The following ALK variants were observed in gnomAD, a reference collection of about 807,000 sequenced individuals.
ALK encodes ALK receptor tyrosine kinase, also known as ALK tyrosine kinase receptor.
Under a neutral mutation model 163.1 loss-of-function variants are expected in ALK, and 74 were observed. The observed-to-expected ratio is 0.45, with a 90% CI of 0.38 to 0.55. The LOEUF is 0.55. Among genes scored for constraint, ALK ranks in the 20% least tolerant of loss-of-function variants. The probability of loss-of-function intolerance (pLI) is 0.00; values close to 1 mark genes in which losing one functional copy is unlikely to be tolerated. For synonymous variants in ALK, 960 were observed against 843.2 expected, an observed-to-expected ratio of 1.14 and a Z score of -2.40; for missense variants, 2,063 against 2,105.3, an observed-to-expected ratio of 0.98 and a Z score of 0.39.
intron 3 of ALK, among the ~76,000 whole-genome samples, chr2:29,605,475 C>T (rs1675517923): frequency 6.6e-6 from 1 of 152,184 alleles, no homozygotes; most frequent in African/African-American, 2.4e-5. Context: ...TTCTAACCCC[C>T]AGTGTGATAG....
At chr2:29,607,200 C>G (rs1158242258) in intron 3 of ALK, among the ~76,000 whole-genome samples, 1 of 152,070 alleles carries the variant, frequency 6.6e-6, no homozygotes, top group Non-Finnish European at 1.5e-5. Flanking sequence ...CTGTGGTTTC[C>G]CCTTAAGCCA....
At chr2:29,459,797 C>A (rs1051203362) in intron 4 of ALK, among the ~76,000 whole-genome samples, 2 of 152,088 alleles carry the variant, frequency 1.3e-5, no homozygotes, top group African/African-American at 4.8e-5. Flanking sequence ...GTCTAAAAAA[C>A]ATTTAGTAAC....
At chr2:29,859,655 G>A (rs1281397112) in intron 1 of ALK, among the ~76,000 whole-genome samples, 1 of 152,076 alleles carries the variant, frequency 6.6e-6, no homozygotes, top group Non-Finnish European at 1.5e-5. Context: ...AGGAGTGATT[G>A]GAATTGGAGG....
At chr2:29,203,800 T>C (rs1045561102) in intron 26 of ALK, among the ~76,000 whole-genome samples, 2 of 151,846 alleles carry the variant, frequency 1.3e-5, no homozygotes, top group East Asian at 1.9e-4. Context: ...ATGCCCTTTT[T>C]CCCCATGGTG....
chr2:29,503,523 A>G (rs555767236), intron 4 of ALK, among the ~76,000 whole-genome samples: 1 of 152,374 alleles, frequency 6.6e-6, no homozygotes, highest in Non-Finnish European at 1.5e-5. Context: ...TCCAAGAGAA[A>G]GAACAATGCA....
chr2:29,427,624 C>G (rs970843547), intron 4 of ALK, among the ~76,000 whole-genome samples: 5 of 151,042 alleles, frequency 3.3e-5, no homozygotes, highest in African/African-American at 1.2e-4. Flanking sequence ...AAAAAGAAAA[C>G]AGTATGAGAT....
At chr2:29,244,971 A>C (rs1664619099) in intron 12 of ALK, among the ~76,000 whole-genome samples, 1 of 152,176 alleles carries the variant, frequency 6.6e-6, no homozygotes, top group Admixed American at 6.5e-5. Flanking sequence ...GTAGGGCTCC[A>C]TGGCTCAGTG....
At chr2:29,612,071 G>C (rs1675708334) in intron 3 of ALK, among the ~76,000 whole-genome samples, 2 of 152,118 alleles carry the variant, frequency 1.3e-5, no homozygotes, top group Admixed American at 6.6e-5. Flanking sequence ...CTCAGGGCCT[G>C]GAAGTGGCCG....
chr2:29,716,858 T>C (rs1679270308), intron 2 of ALK, among the ~76,000 whole-genome samples: 1 of 151,726 alleles, frequency 6.6e-6, no homozygotes, highest in African/African-American at 2.4e-5. Context: ...AAGAGACTGA[T>C]TGTTGGCTGG....
chr2:29,379,332 G>T (rs1668837910), intron 5 of ALK, among the ~76,000 whole-genome samples: 1 of 152,172 alleles, frequency 6.6e-6, no homozygotes, highest in South Asian at 2.1e-4. Context: ...TAGGGTAATA[G>T]CCCAAAGCTA....
At chr2:29,260,472 T>C (rs1234075992) in intron 11 of ALK, among the ~76,000 whole-genome samples, 2 of 152,196 alleles carry the variant, frequency 1.3e-5, no homozygotes, top group Admixed American at 1.3e-4. Context: ...TTTTCCTGGA[T>C]TTTTAGGGTT....
chr2:29,902,730 T>G (rs1488467135), intron 1 of ALK, among the ~76,000 whole-genome samples: 1 of 152,232 alleles, frequency 6.6e-6, no homozygotes, highest in Non-Finnish European at 1.5e-5. Flanking sequence ...CCTGGAATGC[T>G]ATTCCTCTTT....
chr2:29,390,764 C>T (rs1413477237), intron 4 of ALK, among the ~76,000 whole-genome samples: 11 of 152,154 alleles, frequency 7.2e-5, no homozygotes, highest in Admixed American at 6.5e-4. Flanking sequence ...TGGGAGATAG[C>T]AGGGGAAAAA....
At chr2:29,613,911 A>G (rs570747614) in intron 3 of ALK, among the ~76,000 whole-genome samples, 2 of 152,256 alleles carry the variant, frequency 1.3e-5, no homozygotes, top group East Asian at 1.9e-4. Flanking sequence ...CAAGTCAGGA[A>G]AAAGGGGGGG....
intron 3 of ALK, among the ~76,000 whole-genome samples, chr2:29,591,436 A>T (rs1021263294): frequency 6.6e-6 from 1 of 152,204 alleles, no homozygotes; most frequent in Non-Finnish European, 1.5e-5. Context: ...CGAAAGCAAG[A>T]CAGAGGGCTG....
intron 3 of ALK, among the ~76,000 whole-genome samples, chr2:29,581,856 C>A (rs1674701998): frequency 6.6e-6 from 1 of 152,184 alleles, no homozygotes; most frequent in African/African-American, 2.4e-5. Flanking sequence ...AAATGTCCAT[C>A]CTGCCTTGTT....
rs1298834437 is a variant in ALK at position 29,193,867 on chromosome 2, T to A, written c.4220A>T (p.Glu1407Val). The A allele has an allele frequency of 6.2e-7, 1 of 1,613,986 alleles. No individual in the cohort carries two copies. Among genetic ancestry groups the A allele is most frequent in the Non-Finnish European group, 8.5e-7 (1 of 1,179,964 alleles). Residue 1407 changes from glutamate (E) to valine (V), a missense_variant, in exon 29 of 29, where the codon GAG (glutamate) becomes GTG (valine). By Grantham distance (121) the Glu-to-Val change is moderately radical. Transcript: ENST00000389048. ...LPIEYGPLVE[E>V]EEKVPVRPKD... ...GGGCCTCACAGGCACTTTCTCTTCC[T>A]CTTCCACAAGTGGACCATATTCTAT...
At chr2:29,725,117 C>T (rs1442482320) in intron 1 of ALK, among the ~76,000 whole-genome samples, 1 of 124,572 alleles carries the variant, frequency 8.0e-6, no homozygotes, top group African/African-American at 3.2e-5. Flanking sequence ...ATGGTGCCTA[C>T]CCTTAGGGAT....
At chr2:29,759,207 C>T (rs1484229438) in intron 1 of ALK, among the ~76,000 whole-genome samples, 3 of 152,270 alleles carry the variant, frequency 2.0e-5, no homozygotes, top group South Asian at 4.1e-4. Context: ...CTTTCCTATT[C>T]CTTGAGAATA....
Sources: gnomAD v4.1 joint callset for allele counts (sites outside exome capture counted in the v4.1 genomes callset) on GRCh38, gnomAD v4.1.1 for gene constraint, MANE v1.5 for transcripts, NCBI Gene and HGNC (gene_info 2026-07-23, HGNC 2026-07-21) for gene names.